Variants in ZC3H4 observed in about 807,000 individuals in gnomAD.
ZC3H4 encodes zinc finger CCCH domain-containing protein 4.
Under a neutral mutation model 108.3 loss-of-function variants are expected in ZC3H4, and 13 were observed. That is an observed-to-expected ratio of 0.12 (90% CI 0.08 to 0.19). The LOEUF is 0.19. ZC3H4 is among the 10% of genes least tolerant of loss of function. The probability of loss-of-function intolerance (pLI) is 1.00; values close to 1 mark genes in which losing one functional copy is unlikely to be tolerated. For synonymous variants in ZC3H4, 917 were observed against 749.6 expected (o/e 1.22, Z -3.65); for missense variants, 1,734 against 1,838.8 (o/e 0.94, Z 1.04).
chr19:47,078,931 G>A (rs1206652967), intron 11 of ZC3H4, among the ~76,000 whole-genome samples: 1 of 151,870 alleles, frequency 6.6e-6, no homozygotes, highest in East Asian at 2.0e-4. Flanking sequence ...GGAGGCTGAG[G>A]CAGGAGAATC....
chr19:47,112,265 C>G (rs543884387), intron 2 of ZC3H4, 159 bp downstream of exon 2: 2 of 1,133,988 alleles, frequency 1.8e-6, no homozygotes, highest in Non-Finnish European at 2.2e-6. Flanking sequence ...AAAGAGCGAG[C>G]GAGCAAGCGA....
chr19:47,101,541 T>TA (rs987247215), intron 2 of ZC3H4, among the ~76,000 whole-genome samples: 2 of 151,844 alleles, frequency 1.3e-5, no homozygotes, highest in African/African-American at 4.8e-5. Context: ...TATAAATAAC[T>TA]AAAAAAAATT....
intron 2 of ZC3H4, among the ~76,000 whole-genome samples, chr19:47,108,451 G>A (rs2057995083): frequency 6.6e-6 from 1 of 152,122 alleles, no homozygotes; most frequent in African/African-American, 2.4e-5. Context: ...TGTAACAAAA[G>A]GAAGTGAAGG....
chr19:47,105,653 G>C (rs561864483), intron 2 of ZC3H4, among the ~76,000 whole-genome samples: 6 of 152,248 alleles, frequency 3.9e-5, no homozygotes, highest in Admixed American at 3.9e-4. Context: ...GGCTGGGTGG[G>C]CTGGCTTTGG....
At chr19:47,089,034 C>T (rs754317449) in intron 5 of ZC3H4, among the ~76,000 whole-genome samples, 2 of 151,550 alleles carry the variant, frequency 1.3e-5, no homozygotes, top group Admixed American at 6.6e-5. Flanking sequence ...GGTGAAACTC[C>T]GTCTCTACTA....
intron 11 of ZC3H4, among the ~76,000 whole-genome samples, chr19:47,076,500 T>C (rs1041904651): frequency 2.0e-5 from 3 of 152,180 alleles, no homozygotes; most frequent in East Asian, 3.8e-4. Flanking sequence ...TCTGGGGTGA[T>C]GGAATGGGTT....
intron 2 of ZC3H4, chr19:47,096,705 G>C (rs969056615): frequency 1.1e-5 from 8 of 723,608 alleles, no homozygotes; most frequent in Non-Finnish European, 1.0e-5. Context: ...CATTACTCTC[G>C]ACACTTAAGT....
intron 2 of ZC3H4, among the ~76,000 whole-genome samples, chr19:47,106,481 C>G (rs1168968772): frequency 6.6e-6 from 1 of 152,198 alleles, no homozygotes; most frequent in Non-Finnish European, 1.5e-5. Flanking sequence ...AAGCTTTTGG[C>G]TCTGGAGTTC....
intron 13 of ZC3H4, among the ~76,000 whole-genome samples, chr19:47,071,429 G>A (rs147158499): frequency 1.8e-4 from 28 of 152,226 alleles, no homozygotes; most frequent in South Asian, 6.2e-4. Context: ...AGAACTGCCC[G>A]GAAAGAGATG....
intron 2 of ZC3H4, among the ~76,000 whole-genome samples, chr19:47,095,440 T>G (rs949242827): frequency 6.6e-6 from 1 of 151,922 alleles, no homozygotes; most frequent in Non-Finnish European, 1.5e-5. Context: ...CCCAGGCCCC[T>G]CCTGAGGGCC....
At chr19:47,106,469 C>CA (rs2057969494) in intron 2 of ZC3H4, among the ~76,000 whole-genome samples, 1 of 152,174 alleles carries the variant, frequency 6.6e-6, no homozygotes, top group Non-Finnish European at 1.5e-5. Context: ...AGAGAAAAAA[C>CA]AAAGCTTTTG....
chr19:47,079,133 G>T (rs549539865), intron 11 of ZC3H4, among the ~76,000 whole-genome samples: 5 of 150,264 alleles, frequency 3.3e-5, no homozygotes, highest in African/African-American at 1.2e-4. Context: ...GGGTTCAAGC[G>T]ATTCTCCTGC....
intron 11 of ZC3H4, among the ~76,000 whole-genome samples, chr19:47,078,818 C>T (rs1036828259): frequency 6.6e-6 from 1 of 152,076 alleles, no homozygotes; most frequent in African/African-American, 2.4e-5. Context: ...GAGATGGTGC[C>T]ATTGCACTTC....
At chr19:47,093,276 A>G (rs1380253807) in intron 4 of ZC3H4, among the ~76,000 whole-genome samples, 1 of 152,002 alleles carries the variant, frequency 6.6e-6, no homozygotes, top group Non-Finnish European at 1.5e-5. Context: ...TTCTGGGGGA[A>G]GAAATGGTAT....
chr19:47,109,031 TAA>T (rs1003781636), intron 2 of ZC3H4, among the ~76,000 whole-genome samples: 7 of 152,200 alleles, frequency 4.6e-5, no homozygotes, highest in Admixed American at 2.0e-4. Context: ...AATAAAAATG[TAA>T]AAGTTTGTAA....
Position 47,069,115 on chromosome 19 carries a change from T to G in ZC3H4, c.2375A>C (p.Lys792Thr). The G allele has an allele frequency of 6.2e-7, 1 of 1,604,436 alleles. No homozygotes were observed. Among genetic ancestry groups the G allele is most frequent in the Non-Finnish European group, 8.5e-7 (1 of 1,179,896 alleles). ...GCCTTCCTCATTCTCCCGGTCCTGC[T>G]TGCTGCTCTCAGCCAGCCTCCTCGC... ...ERARRLAESS[K>T]QDRENEEGDT... is the part of the protein sequence containing the mutation. Residue 792 changes from lysine to threonine, a missense_variant, in exon 14 of 15, where the codon AAG (lysine) becomes ACG (threonine). Physicochemically the swap from Lys to Thr is moderately conservative, Grantham distance 78. This residue lies in a region of ZC3H4 where 540 missense variants were observed against 484.1 expected (regional missense o/e 1.12). Coordinates refer to ENST00000253048, the MANE Select transcript of ZC3H4 (RefSeq NM_015168.2).
chr19:47,103,013 C>G (rs1035665031), intron 2 of ZC3H4, among the ~76,000 whole-genome samples: 1 of 152,116 alleles, frequency 6.6e-6, no homozygotes, highest in African/African-American at 2.4e-5. Flanking sequence ...GACAAAGATG[C>G]CATTTTTTTT....
chr19:47,102,190 G>A (rs889059009), intron 2 of ZC3H4, among the ~76,000 whole-genome samples: 1 of 152,184 alleles, frequency 6.6e-6, no homozygotes, highest in African/African-American at 2.4e-5. Context: ...GGCCTAAACA[G>A]GCTCAGAGAC....
At chr19:47,111,297 C>T (rs1021967590) in intron 2 of ZC3H4, among the ~76,000 whole-genome samples, 5 of 152,242 alleles carry the variant, frequency 3.3e-5, no homozygotes, top group Non-Finnish European at 7.3e-5. Flanking sequence ...GCCCCAACCT[C>T]GCCCTGAAAC....
Sources: allele counts gnomAD v4.1 joint callset (sites outside exome capture counted in the v4.1 genomes callset), GRCh38; gene constraint gnomAD v4.1.1; regional missense constraint gnomAD v4.1.1; transcripts MANE v1.5; gene names NCBI Gene and HGNC (gene_info 2026-07-23, HGNC 2026-07-21).